The following SPRED2 variants were observed in gnomAD, a reference collection of about 807,000 sequenced individuals.
SPRED2 encodes sprouty related EVH1 domain containing 2, also known as sprouty-related, EVH1 domain-containing protein 2.
A neutral mutation model predicts 43.0 loss-of-function variants in SPRED2; 47 were observed. That is an observed-to-expected ratio of 1.09 (90% CI 0.87 to 1.40). SPRED2 has a LOEUF of 1.40. Ranked by LOEUF, SPRED2 falls within the 40% of genes most tolerant of loss-of-function variation. The probability of loss-of-function intolerance (pLI) is 0.00; values close to 1 mark genes in which losing one functional copy is unlikely to be tolerated. For missense variants in SPRED2, 561 were observed against 586.4 expected, an observed-to-expected ratio of 0.96 and a Z score of 0.45; for synonymous variants, 225 against 225.7, an observed-to-expected ratio of 1.00 and a Z score of 0.03.
chr2:65,336,829 C>T (rs1033138591), intron 2 of SPRED2, among the ~76,000 whole-genome samples: 8 of 152,174 alleles, frequency 5.3e-5, no homozygotes, highest in African/African-American at 1.9e-4. Context: ...AGTAAAATGG[C>T]CGGGCGCGGT....
intron 1 of SPRED2, among the ~76,000 whole-genome samples, chr2:65,424,813 G>A (rs1676520210): frequency 6.6e-6 from 1 of 152,028 alleles, no homozygotes; most frequent in East Asian, 1.9e-4. Context: ...TTAGCCAGGT[G>A]TGGTGGCGCA....
chr2:65,370,431 T>G (rs1393215832), intron 1 of SPRED2, among the ~76,000 whole-genome samples: 1 of 152,172 alleles, frequency 6.6e-6, no homozygotes, highest in Admixed American at 6.5e-5. Context: ...TATGGCTGCT[T>G]GAGAGCTACA....
chr2:65,312,774 A>C lies in SPRED2; in HGVS notation c.*727T>G, dbSNP rs1673105389. ...ATTCTCACAAGTTAATCTGAAGTTA[A>C]GGCTCAATTCTCAGTCTATTACGGG... On this transcript the variant is annotated 3_prime_UTR_variant, in exon 6 of 6. Transcript: ENST00000356388. The C allele has an allele frequency of 8.1e-6, 8 of 985,874 alleles. No homozygotes were observed. The highest frequency in any genetic ancestry group is 5.2e-4 in the Middle Eastern group (1 of 1,914). 61.1% of individuals were successfully genotyped at this position (985,874 alleles called of 1,614,324 possible).
intron 1 of SPRED2, among the ~76,000 whole-genome samples, chr2:65,418,553 C>CCTTCTTT (rs1486556584): frequency 6.6e-6 from 1 of 151,746 alleles, no homozygotes; most frequent in Non-Finnish European, 1.5e-5. Context: ...CTTTTTCTTT[C>CCTTCTTT]TTTCTTTTTT....
chr2:65,386,577 G>C (rs950174822), intron 1 of SPRED2, among the ~76,000 whole-genome samples: 3 of 152,180 alleles, frequency 2.0e-5, no homozygotes, highest in Admixed American at 6.5e-5. Flanking sequence ...CCAGAACAGT[G>C]CTGCAAACTT....
chr2:65,325,760 G>A (rs1382943188), intron 4 of SPRED2, among the ~76,000 whole-genome samples: 3 of 152,144 alleles, frequency 2.0e-5, no homozygotes, highest in African/African-American at 7.2e-5. Context: ...GGTCAACATG[G>A]TGAAACCCCA....
At chr2:65,398,292 A>G (rs1218603103) in intron 1 of SPRED2, among the ~76,000 whole-genome samples, 2 of 152,264 alleles carry the variant, frequency 1.3e-5, no homozygotes, top group Non-Finnish European at 2.9e-5. Context: ...ATTTTAGAAG[A>G]TAACGTTGGA....
At position 65,377,391 on chromosome 2, in the gene SPRED2, G is replaced by C. The variant is rs1318380342; in HGVS notation, c.27-32495C>G. Among the ~76,000 whole-genome samples, 8 of 152,210 alleles carry C rather than the reference G, an allele frequency of 5.3e-5. 1 individual carries two copies. In the South Asian group the frequency reaches 1.4e-3, roughly 28 times the overall value. On this transcript the variant is annotated intron_variant, in intron 1 of 5. Transcript: ENST00000356388. ...GAATGATGCATACGTGGTAGCACTG[G>C]ATTGGTATTTGTGAAAGGAGTGATA... is the stretch of plus-strand genomic sequence containing the variant.
intron 1 of SPRED2, among the ~76,000 whole-genome samples, chr2:65,371,853 A>C (rs537976331): frequency 6.6e-6 from 1 of 152,268 alleles, no homozygotes; most frequent in Non-Finnish European, 1.5e-5. Context: ...GGGCAGGCAG[A>C]TCATTTGAGT....
At chr2:65,414,872 T>A (rs1394041456) in intron 1 of SPRED2, among the ~76,000 whole-genome samples, 2 of 152,106 alleles carry the variant, frequency 1.3e-5, no homozygotes, top group Non-Finnish European at 2.9e-5. Flanking sequence ...TAAATAAGGA[T>A]GTAAAAGCCA....
chr2:65,332,698 T>A (rs1308474237), intron 3 of SPRED2, among the ~76,000 whole-genome samples: 1 of 152,220 alleles, frequency 6.6e-6, no homozygotes, highest in Non-Finnish European at 1.5e-5. Flanking sequence ...ACAGCTCTTG[T>A]TAGAAAACCC....
At chr2:65,307,713 GC>G (rs1672969344), downstream of SPRED2, among the ~76,000 whole-genome samples, 1 of 152,214 alleles carries the variant, frequency 6.6e-6, no homozygotes, top group Non-Finnish European at 1.5e-5. Flanking sequence ...AGCACCAGTG[GC>G]TGCTCCAGCT....
At position 65,332,820 on chromosome 2, in the gene SPRED2, C is replaced by T. The variant is rs189753081; in HGVS notation, c.374-769G>A. 1.6e-3 allele frequency among the ~76,000 whole-genome samples: 238 copies of T among 152,282 alleles called. 2 individuals carry two copies. Among genetic ancestry groups the T allele is most frequent in the Non-Finnish European group, 2.9e-3 (194 of 68,018 alleles). On this transcript the variant is annotated intron_variant, in intron 3 of 5. Transcript: ENST00000356388. ...GGTACAACTGCCCTACTTCCCCCCA[C>T]CACCCTGAATAGCAGACAATAATGC...
At chr2:65,412,743 A>G (rs1676191482) in intron 1 of SPRED2, among the ~76,000 whole-genome samples, 1 of 152,124 alleles carries the variant, frequency 6.6e-6, no homozygotes, top group Admixed American at 6.5e-5. Context: ...CTGAGACTTT[A>G]TGCTGCACTC....
At chr2:65,422,756 TTTG>T (rs766028163) in intron 1 of SPRED2, among the ~76,000 whole-genome samples, 8 of 152,276 alleles carry the variant, frequency 5.3e-5, no homozygotes, top group Non-Finnish European at 1.2e-4. Flanking sequence ...TCAAAGGTTT[TTTG>T]TTGTTGTTTT....
downstream of SPRED2, among the ~76,000 whole-genome samples, chr2:65,309,381 C>T (rs1472876): frequency 0.19 from 28,038 of 151,250 alleles, 2,877 homozygotes; most frequent in Non-Finnish European, 0.22. Context: ...TGATGTGCAC[C>T]TGTAGTCCTA....
At chr2:65,425,240 G>A (rs1159724289) in intron 1 of SPRED2, among the ~76,000 whole-genome samples, 2 of 152,152 alleles carry the variant, frequency 1.3e-5, no homozygotes, top group Non-Finnish European at 2.9e-5. Flanking sequence ...CTGAAAAATC[G>A]TTATTTCAGG....
chr2:65,422,148 ATTCT>A (rs1676444603), intron 1 of SPRED2, among the ~76,000 whole-genome samples: 1 of 142,410 alleles, frequency 7.0e-6, no homozygotes, highest in South Asian at 2.3e-4. Context: ...ACCCTCACTC[ATTCT>A]TTCTCTCATA....
At chr2:65,408,226 A>AGG (rs1314558821) in intron 1 of SPRED2, among the ~76,000 whole-genome samples, 1 of 152,252 alleles carries the variant, frequency 6.6e-6, no homozygotes, top group Non-Finnish European at 1.5e-5. Context: ...GGCATGTATT[A>AGG]GGCACCTCAA....
Sources: allele counts gnomAD v4.1 joint callset (sites outside exome capture counted in the v4.1 genomes callset), GRCh38; gene constraint gnomAD v4.1.1; transcripts MANE v1.5; gene names NCBI Gene and HGNC (gene_info 2026-07-23, HGNC 2026-07-21).